OR51B5: variants seen among roughly 807,000 people sequenced by gnomAD.
The protein encoded by OR51B5 is olfactory receptor family 51 subfamily B member 5.
For synonymous variants in OR51B5, 186 were observed against 144.8 expected (o/e 1.28, Z -2.04); for missense variants, 456 against 374.6 (o/e 1.22, Z -1.79).
intron 1 of OR51B5, among the ~76,000 whole-genome samples, chr11:5,479,220 G>A (rs1455405711): frequency 6.7e-6 from 1 of 148,378 alleles, no homozygotes; most frequent in Admixed American, 6.7e-5. Context: ...CATTCTTAAA[G>A]AAAAGAATTT....
intron 1 of OR51B5, chr11:5,355,656 T>C (rs758744517): frequency 1.3e-5 from 2 of 152,260 alleles, no homozygotes; most frequent in Admixed American, 6.5e-5. Context: ...TAAAGTAAGA[T>C]AGGTGATGTG....
At chr11:5,429,448 A>G (rs1850502629) in intron 1 of OR51B5, among the ~76,000 whole-genome samples, 1 of 152,154 alleles carries the variant, frequency 6.6e-6, no homozygotes, top group African/African-American at 2.4e-5. Flanking sequence ...TGGTGAGGAC[A>G]ATATTTTCAT....
intron 1 of OR51B5, among the ~76,000 whole-genome samples, chr11:5,396,858 A>G (rs184823435): frequency 1.3e-5 from 2 of 152,356 alleles, no homozygotes; most frequent in Admixed American, 6.5e-5. Flanking sequence ...AAACAGAGAT[A>G]TAGACCAATG....
At chr11:5,341,069 A>C (rs1224752997), downstream of OR51B5, 2 of 152,184 alleles carry the variant, frequency 1.3e-5, no homozygotes, top group Non-Finnish European at 2.9e-5. Context: ...TCACAATTAC[A>C]TCTCTTAATG....
At chr11:5,452,222 G>T (rs1004868792) in intron 1 of OR51B5, among the ~76,000 whole-genome samples, 5 of 152,010 alleles carry the variant, frequency 3.3e-5, no homozygotes, top group Non-Finnish European at 7.4e-5. Flanking sequence ...AGATCAAGAG[G>T]GGCCGGGCAC....
At chr11:5,500,658 T>C (rs1846277266) in intron 1 of OR51B5, among the ~76,000 whole-genome samples, 2 of 148,256 alleles carry the variant, frequency 1.3e-5, no homozygotes, top group South Asian at 4.2e-4. Context: ...GTAGCTTTAC[T>C]AAACCACAAC....
intron 1 of OR51B5, among the ~76,000 whole-genome samples, chr11:5,420,370 A>C (rs1343485984): frequency 2.6e-5 from 4 of 151,996 alleles, no homozygotes; most frequent in Admixed American, 2.6e-4. Flanking sequence ...ACTTTCCATT[A>C]TTGCATTTTT....
At chr11:5,422,817 T>C (rs777072073) in intron 1 of OR51B5, 14 of 1,614,154 alleles carry the variant, frequency 8.7e-6, no homozygotes, top group Non-Finnish European at 1.2e-5. Context: ...GCTCTTGCCT[T>C]GCTCATTATT....
At chr11:5,455,460 G>A (rs1167658079) in intron 1 of OR51B5, 2 of 150,398 alleles carry the variant, frequency 1.3e-5, no homozygotes, top group African/African-American at 4.9e-5. Flanking sequence ...CCAGAGGTAG[G>A]ATATAGTAAG....
chr11:5,342,293 A>ATGTT (rs1848908140), downstream of OR51B5, among the ~76,000 whole-genome samples: 1 of 152,210 alleles, frequency 6.6e-6, no homozygotes, highest in African/African-American at 2.4e-5. Flanking sequence ...AAATAAACAT[A>ATGTT]TGTTAGTTAC....
intron 1 of OR51B5, chr11:5,352,213 C>T (rs1489083040): frequency 6.2e-7 from 1 of 1,614,150 alleles, no homozygotes; most frequent in Non-Finnish European, 8.5e-7. Flanking sequence ...GGCCAAGGCC[C>T]TCAACACATG....
chr11:5,451,325 T>A (rs750124694), intron 1 of OR51B5, among the ~76,000 whole-genome samples: 6 of 152,234 alleles, frequency 3.9e-5, no homozygotes, highest in Non-Finnish European at 5.9e-5. Flanking sequence ...CCTGTTTTCT[T>A]CTCCCTTCTC....
intron 1 of OR51B5, among the ~76,000 whole-genome samples, chr11:5,470,500 AAT>A (rs1218876530): frequency 6.6e-6 from 1 of 152,074 alleles, no homozygotes; most frequent in African/African-American, 2.4e-5. Flanking sequence ...AATTATCCCA[AAT>A]ATATGTCTGC....
At chr11:5,408,698 A>C (rs1359922774) in intron 1 of OR51B5, among the ~76,000 whole-genome samples, 2 of 152,136 alleles carry the variant, frequency 1.3e-5, no homozygotes, top group African/African-American at 4.8e-5. Context: ...TATAATCCAA[A>C]CATAAACAAT....
chr11:5,478,923 T>C (rs559792393), intron 1 of OR51B5, among the ~76,000 whole-genome samples: 3 of 151,196 alleles, frequency 2.0e-5, no homozygotes, highest in African/African-American at 4.8e-5. Context: ...TGGAACCAAG[T>C]TGGAAAACAC....
At chr11:5,407,236 A>G (rs1850071346) in intron 1 of OR51B5, among the ~76,000 whole-genome samples, 1 of 152,168 alleles carries the variant, frequency 6.6e-6, no homozygotes, top group Non-Finnish European at 1.5e-5. Flanking sequence ...ACTTTTATCT[A>G]TGAATATTCT....
At chr11:5,353,154 T>G (rs1849130058) in intron 1 of OR51B5, among the ~76,000 whole-genome samples, 1 of 152,096 alleles carries the variant, frequency 6.6e-6, no homozygotes, top group Non-Finnish European at 1.5e-5. Context: ...TCAATTACTT[T>G]CTTCAATGAG....
chr11:5,483,231 A>C (rs1370105477), intron 1 of OR51B5, among the ~76,000 whole-genome samples: 1 of 147,972 alleles, frequency 6.8e-6, no homozygotes, highest in Non-Finnish European at 1.5e-5. Flanking sequence ...ATTGGAAATC[A>C]TCATTCTCAG....
chr11:5,478,499 A>C (rs1320161355), intron 1 of OR51B5, among the ~76,000 whole-genome samples: 1 of 151,362 alleles, frequency 6.6e-6, no homozygotes, highest in Non-Finnish European at 1.5e-5. Context: ...CAACGGAACA[A>C]AGCTGGATGG....
Sources: gnomAD v4.1 joint callset for allele counts (sites outside exome capture counted in the v4.1 genomes callset) on GRCh38, gnomAD v4.1.1 for gene constraint, MANE v1.5 for transcripts, NCBI Gene and HGNC (gene_info 2026-07-23, HGNC 2026-07-21) for gene names.